GASK1B: variants seen among roughly 807,000 people sequenced by gnomAD.
GASK1B encodes Golgi-associated kinase 1B.
In GASK1B, 34 loss-of-function variants were observed where a neutral mutation model predicts 42.8. The ratio of observed to expected loss-of-function variants is 0.79; its 90% CI spans 0.60 to 1.06. The LOEUF is 1.06. GASK1B is among the 50% of genes least tolerant of loss of function. The pLI is 0.00. For synonymous variants in GASK1B, 262 were observed against 259.1 expected, an observed-to-expected ratio of 1.01 and a Z score of -0.11; for missense variants, 686 against 661.0, an observed-to-expected ratio of 1.04 and a Z score of -0.42.
Position 158,171,371 on chromosome 4 carries a change from G to C in GASK1B, c.5C>G (p.Thr2Ser). 1 of 1,563,146 alleles carries C rather than the reference G, an allele frequency of 6.4e-7. No individual in the cohort carries two copies. The highest frequency in any genetic ancestry group is 8.7e-7 in the Non-Finnish European group (1 of 1,151,088). ...GAGCTGCCCCGGCTTGTCTGGACAG[G>C]TCATTTCTCTGCCGCATCCACATGT... is the stretch of plus-strand genomic sequence containing the variant. The part of the protein sequence containing the change: M[T>S]CPDKPGQLIN... Residue 2 changes from threonine to serine, a missense_variant, in exon 2 of 5, where the codon ACC becomes AGC. By Grantham distance (58) the Thr-to-Ser change is moderately conservative. Transcript: ENST00000585682.
At chr4:158,160,683 A>G (rs537625365) in intron 2 of GASK1B, among the ~76,000 whole-genome samples, 25 of 152,316 alleles carry the variant, frequency 1.6e-4, no homozygotes, top group Non-Finnish European at 3.1e-4. Flanking sequence ...TATAATAGCT[A>G]AGATATGGAA....
intron 3 of GASK1B, among the ~76,000 whole-genome samples, chr4:158,133,318 A>T (rs1475664734): frequency 1.3e-5 from 2 of 152,230 alleles, no homozygotes; most frequent in African/African-American, 4.8e-5. Context: ...AATCTTATTT[A>T]ATTTTGACTA....
intron 3 of GASK1B, among the ~76,000 whole-genome samples, chr4:158,138,203 C>T (rs752588248): frequency 6.6e-6 from 1 of 152,150 alleles, no homozygotes; most frequent in Non-Finnish European, 1.5e-5. Context: ...CATCACTATG[C>T]CACAGAAAGA....
chr4:158,137,623 G>T (rs530885023), intron 3 of GASK1B, among the ~76,000 whole-genome samples: 2 of 152,252 alleles, frequency 1.3e-5, no homozygotes, highest in South Asian at 4.1e-4. Context: ...TGTAAAGAAT[G>T]CAACCTCGGA....
intron 2 of GASK1B, among the ~76,000 whole-genome samples, chr4:158,161,220 T>C (rs1731986268): frequency 6.6e-6 from 1 of 152,158 alleles, no homozygotes; most frequent in African/African-American, 2.4e-5. Context: ...CCTAATTTAA[T>C]AATTCCACAT....
intron 3 of GASK1B, among the ~76,000 whole-genome samples, chr4:158,141,211 TGAGG>T (rs1731100626): frequency 6.6e-6 from 1 of 152,010 alleles, no homozygotes; most frequent in Non-Finnish European, 1.5e-5. Flanking sequence ...AGCAGACATG[TGAGG>T]AATCTATATG....
intron 3 of GASK1B, among the ~76,000 whole-genome samples, chr4:158,134,461 G>GAGT (rs1164603948): frequency 6.6e-6 from 1 of 152,174 alleles, no homozygotes; most frequent in African/African-American, 2.4e-5. Flanking sequence ...AAGCAATAAT[G>GAGT]AGTGTTAGTC....
At position 158,126,073 on chromosome 4, in the gene GASK1B, A is replaced by G. The variant is rs1247434768; in HGVS notation, c.*1334T>C. 1 of 152,170 alleles carries G rather than the reference A, an allele frequency of 6.6e-6. No individual in the cohort carries two copies. Among genetic ancestry groups the G allele is most frequent in the Admixed American group, 6.6e-5 (1 of 15,264 alleles). The allele number at this position is 152,170 out of a possible 1,614,324, so 9.4% of individuals were successfully genotyped here. On this transcript the variant is annotated 3_prime_UTR_variant, in exon 5 of 5. Coordinates refer to ENST00000585682, the MANE Select transcript of GASK1B (RefSeq NM_001128424.2). ...AAACATTCTCAAATTGTATTTTTAA[A>G]CTTTCAGGAAATGAAAAGTCACAAA...
chr4:158,130,738 T>C (rs1560774985), intron 4 of GASK1B, 48 bp downstream of exon 4: 2 of 1,389,280 alleles, frequency 1.4e-6, no homozygotes, highest in East Asian at 2.3e-5. Context: ...ACCTTGCTAC[T>C]TATCTAACAT....
At chr4:158,135,940 T>C (rs1038832127) in intron 3 of GASK1B, among the ~76,000 whole-genome samples, 2 of 152,100 alleles carry the variant, frequency 1.3e-5, no homozygotes, top group African/African-American at 4.8e-5. Context: ...CCAGTGCTTC[T>C]CTATGTAGAC....
intron 3 of GASK1B, among the ~76,000 whole-genome samples, chr4:158,148,192 G>A (rs1731406393): frequency 1.3e-5 from 2 of 152,082 alleles, no homozygotes. Context: ...CCAGCCTGGG[G>A]AACAGAGCGA....
Position 158,141,070 on chromosome 4 carries a change from T to C in GASK1B, c.1126-10058A>G, listed in dbSNP as rs75962194. On this transcript the variant is annotated intron_variant, in intron 3 of 4. Coordinates refer to ENST00000585682, the MANE Select transcript of GASK1B (RefSeq NM_001128424.2). ...AGACGGATTCAAGAGCAAAGACTTA[T>C]GTTCACCAACTTTCTAGTCTACATG... 3.0e-3 allele frequency among the ~76,000 whole-genome samples: 454 copies of C among 152,302 alleles called. 2 individuals are homozygous for C. The highest frequency in any genetic ancestry group is 0.011 in the African/African-American group (440 of 41,582).
chr4:158,168,035 C>A (rs1397246844), intron 2 of GASK1B, among the ~76,000 whole-genome samples: 1 of 152,140 alleles, frequency 6.6e-6, no homozygotes, highest in Non-Finnish European at 1.5e-5. Context: ...AGTAGAATTA[C>A]ATTGTGTAGA....
chr4:158,136,324 C>T (rs369565836), intron 3 of GASK1B, among the ~76,000 whole-genome samples: 2 of 151,838 alleles, frequency 1.3e-5, no homozygotes, highest in South Asian at 2.1e-4. Flanking sequence ...GAGTTCAAAT[C>T]GAGCCTGGGC....
chr4:158,162,485 T>TA (rs1732058769), intron 2 of GASK1B, among the ~76,000 whole-genome samples: 1 of 152,132 alleles, frequency 6.6e-6, no homozygotes, highest in Non-Finnish European at 1.5e-5. Context: ...GGACCCAGAA[T>TA]AAAAATTTGC....
chr4:158,127,952 G>C (rs1480961205), intron 4 of GASK1B, among the ~76,000 whole-genome samples: 2 of 152,128 alleles, frequency 1.3e-5, no homozygotes, highest in Admixed American at 6.6e-5. Flanking sequence ...TTCACCTGTG[G>C]AAACCCCTTT....
intron 2 of GASK1B, among the ~76,000 whole-genome samples, chr4:158,157,750 A>G (rs1316157180): frequency 3.3e-5 from 5 of 152,162 alleles, no homozygotes. Flanking sequence ...AGCAATTCAT[A>G]TAAGGCCTTT....
At chr4:158,168,908 C>T (rs1391756656) in intron 2 of GASK1B, 1 of 152,128 alleles carries the variant, frequency 6.6e-6, no homozygotes, top group Non-Finnish European at 1.5e-5. Flanking sequence ...GCCTGTTGTC[C>T]CAATGCCCAC....
chr4:158,171,536 A>C lies in GASK1B; in HGVS notation c.-161T>G. 2 of 666,978 alleles carry C rather than the reference A, an allele frequency of 3.0e-6. No individual in the cohort carries two copies. Among genetic ancestry groups the C allele is most frequent in the East Asian group, 5.8e-5 (2 of 34,650 alleles). The allele number at this position is 666,978 out of a possible 1,614,324, so 41.3% of individuals were successfully genotyped here. A position where few individuals can be genotyped will look rare whatever the true frequency, so the allele number is the denominator to read the frequency against. Reference sequence around the variant, plus strand: ...GGAAAGGGTTGGTGATGAAGCTGGGAATGTTTCTGACACAACAAACCTTTT... The same window carrying C: ...GGAAAGGGTTGGTGATGAAGCTGGGCATGTTTCTGACACAACAAACCTTTT... On this transcript the variant is annotated 5_prime_UTR_variant, in exon 2 of 5. The change creates a new upstream start codon in the 5' untranslated region. Transcript: ENST00000585682.
Sources: gnomAD v4.1 joint callset for allele counts (sites outside exome capture counted in the v4.1 genomes callset) on GRCh38, gnomAD v4.1.1 for gene constraint, MANE v1.5 for transcripts, NCBI Gene and HGNC (gene_info 2026-07-23, HGNC 2026-07-21) for gene names.